MEGF11: variants seen among roughly 807,000 people sequenced by gnomAD.
The protein encoded by MEGF11 is multiple epidermal growth factor-like domains protein 11.
In MEGF11, 126 loss-of-function variants were observed where a neutral mutation model predicts 146.6. The ratio of observed to expected loss-of-function variants is 0.86; its 90% CI spans 0.74 to 1.00. The LOEUF (loss-of-function observed/expected upper bound fraction) is 1.00. Among genes scored for constraint, MEGF11 ranks in the 50% least tolerant of loss-of-function variants. The pLI, the probability that MEGF11 is intolerant of heterozygous loss-of-function variation, is 0.00. For missense variants in MEGF11, 1,509 were observed against 1,521.2 expected, an observed-to-expected ratio of 0.99 and a Z score of 0.13; for synonymous variants, 532 against 583.4, an observed-to-expected ratio of 0.91 and a Z score of 1.27.
intron 1 of MEGF11, among the ~76,000 whole-genome samples, chr15:66,201,821 C>T (rs1249986382): frequency 1.3e-5 from 2 of 150,804 alleles, no homozygotes; most frequent in Non-Finnish European, 3.0e-5. Context: ...TTGGTGCGAG[C>T]CTGTAGTCCC....
chr15:65,985,577 C>T (rs2081827344), intron 5 of MEGF11, among the ~76,000 whole-genome samples: 1 of 152,226 alleles, frequency 6.6e-6, no homozygotes, highest in East Asian at 1.9e-4. Context: ...CAAACAACCT[C>T]TGTTCTTTCT....
chr15:65,980,788 G>A lies in MEGF11; in HGVS notation c.752C>T (p.Pro251Leu). 1 of 1,603,988 alleles carries A rather than the reference G, an allele frequency of 6.2e-7. No individual in the cohort carries two copies. Among genetic ancestry groups the A allele is most frequent in the Non-Finnish European group, 8.5e-7 (1 of 1,175,452 alleles). Residue 251 changes from proline (P) to leucine (L), a missense_variant, in exon 7 of 26, where the codon CCA (proline) becomes CTA (leucine). Pro to Leu is a moderately conservative substitution (Grantham distance 98). Coordinates refer to ENST00000395614, the MANE Select transcript of MEGF11 (RefSeq NM_001385028.1). ...HHITGECACP[P>L]GWTGAVCAQP... ...TTTGGGCCCACTTACCGTCCAGCCT[G>A]GGGGGCAGGCACACTCGCCAGTGAT...
At chr15:66,137,209 CT>C (rs1020909142) in intron 1 of MEGF11, among the ~76,000 whole-genome samples, 1 of 152,162 alleles carries the variant, frequency 6.6e-6, no homozygotes, top group African/African-American at 2.4e-5. Context: ...TATTGGTCAT[CT>C]TTTGGGGAAG....
intron 5 of MEGF11, among the ~76,000 whole-genome samples, chr15:66,056,110 G>A (rs916875940): frequency 1.8e-4 from 27 of 152,132 alleles, no homozygotes; most frequent in Non-Finnish European, 4.0e-4. Context: ...CTACTATTGG[G>A]AATCTGTACT....
chr15:65,957,789 C>T, intron 9 of MEGF11, 68 bp from the exon 10 acceptor site: 1 of 1,517,452 alleles, frequency 6.6e-7, no homozygotes, highest in Non-Finnish European at 9.1e-7. Flanking sequence ...CGCCCTCTGT[C>T]TACCCCAAGC....
chr15:66,165,727 G>A (rs541859363), intron 1 of MEGF11, among the ~76,000 whole-genome samples: 25 of 152,132 alleles, frequency 1.6e-4, no homozygotes, highest in Admixed American at 5.2e-4. Flanking sequence ...GAAAAGGCAG[G>A]AAGAATGGCT....
chr15:65,972,480 G>C (rs1054856297), intron 7 of MEGF11, among the ~76,000 whole-genome samples: 3 of 151,926 alleles, frequency 2.0e-5, no homozygotes, highest in African/African-American at 7.3e-5. Flanking sequence ...AGGCTGAGGC[G>C]GGAGGATCTC....
intron 5 of MEGF11, among the ~76,000 whole-genome samples, chr15:66,079,949 T>A (rs1209037995): frequency 6.6e-6 from 1 of 152,134 alleles, no homozygotes; most frequent in Non-Finnish European, 1.5e-5. Flanking sequence ...CTTTCCCGTT[T>A]CTCCTGGGAG....
intron 4 of MEGF11, among the ~76,000 whole-genome samples, chr15:66,117,458 C>A (rs147564859): frequency 6.6e-6 from 1 of 152,164 alleles, no homozygotes; most frequent in Non-Finnish European, 1.5e-5. Flanking sequence ...GCAATCAGGA[C>A]GCTTAGCACT....
At chr15:66,140,129 C>T (rs980759442) in intron 1 of MEGF11, among the ~76,000 whole-genome samples, 2 of 152,184 alleles carry the variant, frequency 1.3e-5, no homozygotes, top group Non-Finnish European at 2.9e-5. Flanking sequence ...ACTTATTCAG[C>T]TTAATTTCCC....
intron 5 of MEGF11, among the ~76,000 whole-genome samples, chr15:66,084,244 A>C (rs2140574647): frequency 6.6e-6 from 1 of 152,324 alleles, no homozygotes; most frequent in African/African-American, 2.4e-5. Flanking sequence ...AGAATATATA[A>C]AGAATGCCTA....
chr15:66,152,198 C>T (rs1181343456), intron 1 of MEGF11, among the ~76,000 whole-genome samples: 3 of 152,192 alleles, frequency 2.0e-5, no homozygotes, highest in Non-Finnish European at 2.9e-5. Context: ...GGTAGTGTCT[C>T]GGTGTCCCCA....
rs547082966 is a variant in MEGF11 at position 65,931,553 on chromosome 15, T to G, written c.1288-610A>C. ...TTTGAAGCCACTAAATTGTGATTTT[T>G]TACAGCAGCAATGGAAAACTAATAT... On this transcript the variant is annotated intron_variant, in intron 10 of 25. Transcript: ENST00000395614. 2.0e-5 allele frequency among the ~76,000 whole-genome samples: 3 copies of G among 152,350 alleles called. No individual in the cohort carries two copies. The East Asian group carries it at 5.8e-4, about 29-fold the overall frequency.
chr15:66,058,684 A>G (rs371779709), intron 5 of MEGF11, among the ~76,000 whole-genome samples: 25 of 152,186 alleles, frequency 1.6e-4, no homozygotes, highest in African/African-American at 6.0e-4. Context: ...CTCTGTAGGG[A>G]GGCATCAGGG....
chr15:65,970,915 T>TA, intron 7 of MEGF11: 1 of 575,028 alleles, frequency 1.7e-6, no homozygotes. Context: ...GCCTATTGTA[T>TA]ACGAGGTGCT....
At position 66,222,141 on chromosome 15, in the gene MEGF11, C is replaced by G. The variant is rs138230237; in HGVS notation, c.-9+31464G>C. ...CAGCTTCAGCAATTCTGTTAGGAGG[C>G]CTTGAGGACAGGCAGGGTTTTGATG... On this transcript the variant is annotated intron_variant, in intron 1 of 25. Coordinates refer to ENST00000395614, the MANE Select transcript of MEGF11 (RefSeq NM_001385028.1). Among the ~76,000 whole-genome samples, 43 of 152,240 alleles carry G rather than the reference C, an allele frequency of 2.8e-4. 1 individual carries two copies. The East Asian group carries it at 8.3e-3, about 29-fold the overall frequency.
chr15:66,101,231 C>T (rs2086794199), intron 4 of MEGF11, among the ~76,000 whole-genome samples: 1 of 152,144 alleles, frequency 6.6e-6, no homozygotes, highest in South Asian at 2.1e-4. Context: ...GTGACTCCTT[C>T]AGCCTCCTTC....
chr15:65,937,331 C>T lies in MEGF11; in HGVS notation c.1288-6388G>A, dbSNP rs1286020543. On this transcript the variant is annotated intron_variant, in intron 10 of 25. Transcript: ENST00000395614. ...TGGCATGTCATGTGCTTTGCTTAGC[C>T]TAGCAACTCTGCCTACTCCCTCAGC... Among the ~76,000 whole-genome samples, 4 of 152,178 alleles carry T rather than the reference C, an allele frequency of 2.6e-5. No individual in the cohort carries two copies. The East Asian group carries it at 7.7e-4, about 29-fold the overall frequency.
In MEGF11 at chr15:65,961,719, G is replaced by A. The variant is rs183433659; in HGVS notation, c.1112+3189C>T. Among the ~76,000 whole-genome samples the A allele has an allele frequency of 9.5e-4, 145 of 152,364 alleles. No homozygotes were observed. The East Asian group carries it at 0.023, about 24-fold the overall frequency. On this transcript the variant is annotated intron_variant, in intron 9 of 25. Transcript: ENST00000395614. The stretch of plus-strand genomic sequence containing the variant: ...GGGCACAGACCAGAGAGAGGCTGGA[G>A]CTGGGTGGCTAGGGCTTTCTTTGGC...
Sources: allele counts gnomAD v4.1 joint callset (sites outside exome capture counted in the v4.1 genomes callset), GRCh38; gene constraint gnomAD v4.1.1; transcripts MANE v1.5; gene names NCBI Gene and HGNC (gene_info 2026-07-23, HGNC 2026-07-21).